SRGAP3: variants seen among roughly 807,000 people sequenced by gnomAD.
The protein encoded by SRGAP3 is SLIT-ROBO Rho GTPase-activating protein 3.
A neutral mutation model predicts 121.1 loss-of-function variants in SRGAP3; 39 were observed. The ratio of observed to expected loss-of-function variants is 0.32; its 90% CI spans 0.25 to 0.42. SRGAP3 has a LOEUF of 0.42. SRGAP3 is among the 10% of genes least tolerant of loss of function. SRGAP3 has a pLI of 1.00. For synonymous variants in SRGAP3, 601 were observed against 570.0 expected (o/e 1.05, Z -0.77); for missense variants, 1,213 against 1,470.6 (o/e 0.82, Z 2.86).
chr3:9,011,430 C>T (rs1943369886), intron 17 of SRGAP3, among the ~76,000 whole-genome samples: 3 of 152,198 alleles, frequency 2.0e-5, no homozygotes, highest in Admixed American at 2.0e-4. Context: ...CCTGGCTCTA[C>T]CCAACCTGTG....
At chr3:9,041,994 G>A (rs999414110) in intron 10 of SRGAP3, among the ~76,000 whole-genome samples, 20 of 151,836 alleles carry the variant, frequency 1.3e-4, no homozygotes, top group African/African-American at 4.1e-4. Flanking sequence ...CCGGCTACTC[G>A]GGAGGCTAAG....
intron 9 of SRGAP3, among the ~76,000 whole-genome samples, chr3:9,051,365 A>G (rs1294803134): frequency 6.6e-6 from 1 of 152,210 alleles, no homozygotes; most frequent in East Asian, 1.9e-4. Flanking sequence ...TATACCCATT[A>G]GTCTTTAAAT....
chr3:9,227,338 T>C (rs886642143), intron 1 of SRGAP3, among the ~76,000 whole-genome samples: 2 of 152,202 alleles, frequency 1.3e-5, no homozygotes, highest in African/African-American at 2.4e-5. Flanking sequence ...ATTTCACTCT[T>C]GGATTGAATC....
chr3:9,339,280 C>T (rs1283590213), intron 1 of SRGAP3, among the ~76,000 whole-genome samples: 1 of 152,258 alleles, frequency 6.6e-6, no homozygotes, highest in African/African-American at 2.4e-5. Context: ...TCAGCTCCCA[C>T]TTACGACTAT....
intron 3 of SRGAP3, among the ~76,000 whole-genome samples, chr3:9,281,610 A>G (rs879907069): frequency 3.3e-5 from 5 of 152,208 alleles, no homozygotes; most frequent in Admixed American, 3.3e-4. Flanking sequence ...GTAAGAATAA[A>G]CAAAGTAATT....
At chr3:9,205,788 T>C (rs1952245757) in intron 1 of SRGAP3, among the ~76,000 whole-genome samples, 1 of 152,214 alleles carries the variant, frequency 6.6e-6, no homozygotes, top group African/African-American at 2.4e-5. Context: ...TAGGATATTA[T>C]TCAACCTTAA....
At position 9,159,915 on chromosome 3, in the gene SRGAP3, CT is replaced by C. The variant is rs201622424; in HGVS notation, c.68-34999del. Among the ~76,000 whole-genome samples, 453 of 152,324 alleles carry C rather than the reference CT, an allele frequency of 3.0e-3. 4 individuals are homozygous for C. The highest frequency in any genetic ancestry group is 0.01 in the African/African-American group (428 of 41,566). ...GAAGATGGAAGAAGGAAGAGGGAGT[CT>C]GCCTGTAAGGCCCACCTGAGAAGGA... is the stretch of plus-strand genomic sequence containing the variant. On this transcript the variant is annotated intron_variant, in intron 1 of 21. Transcript: ENST00000383836.
chr3:9,060,553 G>A (rs1454450265), intron 5 of SRGAP3, among the ~76,000 whole-genome samples, 194 bp from the exon 6 acceptor site: 1 of 150,346 alleles, frequency 6.7e-6, no homozygotes, highest in Non-Finnish European at 1.5e-5. Flanking sequence ...AGCCTCCCGA[G>A]TAGCTGGGAC....
At chr3:9,063,563 T>A (rs1384264960) in intron 5 of SRGAP3, among the ~76,000 whole-genome samples, 1 of 152,072 alleles carries the variant, frequency 6.6e-6, no homozygotes, top group African/African-American at 2.4e-5. Context: ...GGTCTCGAAC[T>A]CCTGGGCTCA....
chr3:9,268,563 C>T (rs890696274), intron 3 of SRGAP3, among the ~76,000 whole-genome samples: 3 of 152,096 alleles, frequency 2.0e-5, no homozygotes, highest in African/African-American at 7.2e-5. Flanking sequence ...GTTAAGCCTT[C>T]ATATGAGACC....
chr3:9,215,832 A>G (rs1952599529), intron 1 of SRGAP3, among the ~76,000 whole-genome samples: 1 of 152,092 alleles, frequency 6.6e-6, no homozygotes, highest in Admixed American at 6.5e-5. Flanking sequence ...TTGGCCTTAG[A>G]CTGAAAGCTG....
At chr3:9,360,441 G>A (rs1465124068) in intron 1 of SRGAP3, among the ~76,000 whole-genome samples, 1 of 152,194 alleles carries the variant, frequency 6.6e-6, no homozygotes, top group Non-Finnish European at 1.5e-5. Context: ...ATCTGTAGTG[G>A]AATTGGTGAG....
chr3:9,058,046 C>T (rs190411485), intron 7 of SRGAP3, among the ~76,000 whole-genome samples: 12 of 152,296 alleles, frequency 7.9e-5, no homozygotes, highest in Admixed American at 7.8e-4. Flanking sequence ...AGCCAAGGTC[C>T]TGTAATTCTG....
chr3:9,343,638 T>C (rs1228906105), intron 1 of SRGAP3, among the ~76,000 whole-genome samples: 1 of 152,220 alleles, frequency 6.6e-6, no homozygotes, highest in African/African-American at 2.4e-5. Flanking sequence ...ATCTTTATAT[T>C]AAAAAGATTA....
At chr3:9,256,563 A>G (rs1370073126) in intron 3 of SRGAP3, among the ~76,000 whole-genome samples, 1 of 152,044 alleles carries the variant, frequency 6.6e-6, no homozygotes, top group East Asian at 1.9e-4. Flanking sequence ...AACAGTTTCT[A>G]GAGCTGATAT....
intron 15 of SRGAP3, 173 bp from the exon 16 acceptor site, chr3:9,014,015 T>C (rs2125033795): frequency 2.9e-6 from 2 of 686,198 alleles, no homozygotes; most frequent in East Asian, 2.7e-5. Context: ...TCCATCTCCC[T>C]AGCTACAGGG....
At chr3:9,018,655 T>G (rs749574484) in intron 14 of SRGAP3, among the ~76,000 whole-genome samples, 5 of 152,362 alleles carry the variant, frequency 3.3e-5, no homozygotes, top group South Asian at 4.1e-4. Context: ...TAAAAATGTA[T>G]GATCGGAGTA....
At chr3:9,359,984 C>G (rs1033354158) in intron 1 of SRGAP3, among the ~76,000 whole-genome samples, 4 of 152,154 alleles carry the variant, frequency 2.6e-5, no homozygotes, top group Non-Finnish European at 5.9e-5. Context: ...GGCTGGAGTA[C>G]AGTGGTGCAA....
chr3:9,284,485 G>C (rs530866289), intron 3 of SRGAP3, among the ~76,000 whole-genome samples: 1 of 152,138 alleles, frequency 6.6e-6, no homozygotes, highest in African/African-American at 2.4e-5. Context: ...TGCACCATTC[G>C]TGCGAAAGTC....
Sources: gnomAD v4.1 joint callset for allele counts (sites outside exome capture counted in the v4.1 genomes callset) on GRCh38, gnomAD v4.1.1 for gene constraint, MANE v1.5 for transcripts, NCBI Gene and HGNC (gene_info 2026-07-23, HGNC 2026-07-21) for gene names.